The following CDH23 variants were observed in gnomAD, a reference collection of about 807,000 sequenced individuals.
CDH23 encodes cadherin-23.
CDH23 carries 189 observed loss-of-function variants against 317.1 expected under a neutral mutation model. The ratio of observed to expected loss-of-function variants is 0.60; its 90% CI spans 0.53 to 0.67. The LOEUF (loss-of-function observed/expected upper bound fraction) is 0.67. CDH23 is among the 30% of genes least tolerant of loss of function. The pLI, the probability that CDH23 is intolerant of heterozygous loss-of-function variation, is 0.00. For missense variants in CDH23, 4,401 were observed against 4,592.4 expected (o/e 0.96, Z 1.20); for synonymous variants, 1,839 against 1,876.8 (o/e 0.98, Z 0.52).
intron 1 of CDH23, among the ~76,000 whole-genome samples, chr10:71,410,993 G>A (rs1848323408): frequency 6.6e-6 from 1 of 152,158 alleles, no homozygotes; most frequent in Admixed American, 6.5e-5. Context: ...ATAAGTATTT[G>A]ACTATCCTTT....
rs749820300 is a variant in CDH23 at position 71,807,286 on chromosome 10, C to T, written c.8188C>T (p.Pro2730Ser). The T allele has an allele frequency of 6.2e-7, 1 of 1,613,674 alleles. No individual in the cohort carries two copies. Among genetic ancestry groups the T allele is most frequent in the Middle Eastern group, 1.7e-4 (1 of 6,030 alleles). ...CCCCCTCCCTCTGCAGAAAGGCAGC[C>T]CCCAGTACCAGCTGCTGACAGTGCC... ...PLFVRPPKGS[P>S]QYQLLTVPEH... is the part of the protein sequence containing the mutation. Residue 2730 changes from proline to serine, a missense_variant, in exon 58 of 70, where the codon CCC becomes TCC. Pro to Ser is a moderately conservative substitution (Grantham distance 74). This residue lies in a region of CDH23 where 1,144 missense variants were observed against 1,138.2 expected (regional missense o/e 1.01). Coordinates refer to ENST00000224721, the MANE Select transcript of CDH23 (RefSeq NM_022124.6).
chr10:71,688,571 G>A (rs1865007420), intron 19 of CDH23, among the ~76,000 whole-genome samples: 1 of 149,218 alleles, frequency 6.7e-6, no homozygotes, highest in Admixed American at 6.6e-5. Flanking sequence ...TGGAGCCAGG[G>A]GTTGTGGAGT....
intron 12 of CDH23, among the ~76,000 whole-genome samples, chr10:71,644,516 C>A (rs1480394822): frequency 1.3e-5 from 2 of 152,224 alleles, no homozygotes; most frequent in African/African-American, 2.4e-5. Flanking sequence ...GGTATCACTT[C>A]CTGATCATTC....
chr10:71,426,760 C>A (rs1190193281), intron 1 of CDH23, among the ~76,000 whole-genome samples: 2 of 152,098 alleles, frequency 1.3e-5, no homozygotes, highest in African/African-American at 4.8e-5. Context: ...CCAATAAGCC[C>A]ATTTAAAGTG....
At chr10:71,413,463 G>GTACTT (rs1327464086) in intron 1 of CDH23, among the ~76,000 whole-genome samples, 1 of 151,998 alleles carries the variant, frequency 6.6e-6, no homozygotes, top group Non-Finnish European at 1.5e-5. Flanking sequence ...CTATTTGGGG[G>GTACTT]TACTTTGAGA....
intron 6 of CDH23, among the ~76,000 whole-genome samples, chr10:71,529,748 G>A (rs1422732975): frequency 6.6e-6 from 1 of 152,032 alleles, no homozygotes; most frequent in Non-Finnish European, 1.5e-5. Flanking sequence ...GCTCCACCTG[G>A]CTGGGTGGCT....
At chr10:71,562,044 G>GAGCCC (rs779191804) in intron 6 of CDH23, among the ~76,000 whole-genome samples, 101 of 152,092 alleles carry the variant, frequency 6.6e-4, no homozygotes, top group Non-Finnish European at 1.2e-3. Context: ...TGGAAAGGAG[G>GAGCCC]AGCCCAACCC....
At chr10:71,685,417 C>A (rs1165546550) in intron 18 of CDH23, among the ~76,000 whole-genome samples, 1 of 152,218 alleles carries the variant, frequency 6.6e-6, no homozygotes, top group African/African-American at 2.4e-5. Context: ...CTCAGCCCCC[C>A]TAAAAGGGGC....
chr10:71,633,170 C>T (rs760922314), intron 11 of CDH23, among the ~76,000 whole-genome samples: 1 of 152,032 alleles, frequency 6.6e-6, no homozygotes, highest in Non-Finnish European at 1.5e-5. Flanking sequence ...AGAGCCCTCA[C>T]GATCCAATCA....
intron 34 of CDH23, 70 bp from the exon 35 acceptor site, chr10:71,738,428 G>A (rs774526490): frequency 2.2e-4 from 351 of 1,593,482 alleles, no homozygotes; most frequent in Non-Finnish European, 2.7e-4. Flanking sequence ...CTGGACCCAC[G>A]GTGGGACCCA....
chr10:71,700,788 C>A (rs1865552574), intron 22 of CDH23, among the ~76,000 whole-genome samples: 1 of 152,198 alleles, frequency 6.6e-6, no homozygotes, highest in East Asian at 1.9e-4. Flanking sequence ...TCTCCCCGGC[C>A]TCCCCAGGAC....
chr10:71,403,763 C>T (rs112340793), intron 1 of CDH23, among the ~76,000 whole-genome samples: 1 of 151,830 alleles, frequency 6.6e-6, no homozygotes, highest in African/African-American at 2.4e-5. Context: ...AATCTGCCCA[C>T]CTCGGCCTCC....
At chr10:71,602,445 G>T (rs1311936805) in intron 9 of CDH23, among the ~76,000 whole-genome samples, 3 of 152,170 alleles carry the variant, frequency 2.0e-5, no homozygotes, top group Non-Finnish European at 2.9e-5. Context: ...ATAGCTAGAA[G>T]TAGTGGAGCT....
At chr10:71,530,181 T>C (rs1855289083) in intron 6 of CDH23, among the ~76,000 whole-genome samples, 1 of 152,214 alleles carries the variant, frequency 6.6e-6, no homozygotes, top group African/African-American at 2.4e-5. Flanking sequence ...GGGCTGGTGC[T>C]GGGATGCCAC....
intron 22 of CDH23, among the ~76,000 whole-genome samples, chr10:71,697,671 C>G (rs1231102764): frequency 7.0e-6 from 1 of 142,654 alleles, no homozygotes; most frequent in East Asian, 2.0e-4. Context: ...GACCCTGTCT[C>G]AAAAAAAAAA....
intron 20 of CDH23, among the ~76,000 whole-genome samples, chr10:71,693,276 C>T (rs1444833458): frequency 1.7e-5 from 2 of 120,460 alleles, no homozygotes; most frequent in African/African-American, 3.0e-5. Context: ...TTGGCAAATG[C>T]CTTTTTTTTT....
intron 69 of CDH23, among the ~76,000 whole-genome samples, chr10:71,814,118 C>T (rs1842039486): frequency 6.6e-6 from 1 of 152,352 alleles, no homozygotes; most frequent in East Asian, 1.9e-4. Flanking sequence ...ACCTATTTAT[C>T]CTCTGCAGCT....
chr10:71,756,879 C>T lies in CDH23; in HGVS notation c.4845+14958C>T, dbSNP rs3827682. ...GCTGTTTTTGTTTTGCTCTACAATC[C>T]GACAGCGTAAACAAGCTTTCAGGAG... On this transcript the variant is annotated intron_variant, in intron 38 of 69. Coordinates refer to ENST00000224721, the MANE Select transcript of CDH23 (RefSeq NM_022124.6). Among the ~76,000 whole-genome samples the T allele has an allele frequency of 7.9e-5, 12 of 152,292 alleles. No individual in the cohort carries two copies. The East Asian group carries it at 2.1e-3, about 27-fold the overall frequency.
chr10:71,504,560 A>C (rs1853526946), intron 3 of CDH23, among the ~76,000 whole-genome samples: 1 of 151,932 alleles, frequency 6.6e-6, no homozygotes, highest in Admixed American at 6.6e-5. Flanking sequence ...TCTGCTTTCC[A>C]CCCATGAGGT....
Sources: gnomAD v4.1 joint callset for allele counts (sites outside exome capture counted in the v4.1 genomes callset) on GRCh38, gnomAD v4.1.1 for gene constraint, gnomAD v4.1.1 regional missense constraint, MANE v1.5 for transcripts, NCBI Gene and HGNC (gene_info 2026-07-23, HGNC 2026-07-21) for gene names.